PLK5: variants seen among roughly 807,000 people sequenced by gnomAD.
The protein encoded by PLK5 is inactive serine/threonine-protein kinase PLK5.
PLK5 carries 28 observed loss-of-function variants against 33.7 expected under a neutral mutation model. The observed-to-expected ratio is 0.83, with a 90% CI of 0.62 to 1.14. The LOEUF is 1.14. Ranked by LOEUF, PLK5 falls within the 50% of genes most tolerant of loss-of-function variation. The probability of loss-of-function intolerance (pLI) is 0.00; values close to 1 mark genes in which losing one functional copy is unlikely to be tolerated. For missense variants in PLK5, 492 were observed against 461.5 expected (o/e 1.07, Z -0.61); for synonymous variants, 225 against 202.2 (o/e 1.11, Z -0.96).
rs558967313 is a variant in PLK5 at position 1,533,945 on chromosome 19, C to T, written c.729C>T (p.Pro243=). The T allele has an allele frequency of 6.5e-7, 1 of 1,534,306 alleles. No homozygotes were observed. The highest frequency in any genetic ancestry group is 1.4e-5 in the African/African-American group (1 of 73,094). ...PATPRREGTL[P]TPVPPAGPGL... ...TCTGTCCACAGGAGGGGACCCTCCCCACACCTGTGCCACCTGCTGGACCCG... is the reference window on the plus strand; with the variant it reads ...TCTGTCCACAGGAGGGGACCCTCCCTACACCTGTGCCACCTGCTGGACCCG... Residue 243 remains proline, a synonymous_variant, in exon 13 of 14, where the codon CCC becomes CCT. Coordinates refer to ENST00000454744, the MANE Select transcript of PLK5 (RefSeq NM_001243079.2).
Position 1,535,530 on chromosome 19 carries a change from G to T in PLK5, c.*280G>T. The T allele has an allele frequency of 2.2e-6, 1 of 445,212 alleles. No individual in the cohort carries two copies. Among genetic ancestry groups the T allele is most frequent in the Non-Finnish European group, 3.9e-6 (1 of 254,108 alleles). The allele number at this position is 445,212 out of a possible 1,614,324, so 27.6% of individuals were successfully genotyped here. On this transcript the variant is annotated 3_prime_UTR_variant, in exon 14 of 14. Coordinates refer to ENST00000454744, the MANE Select transcript of PLK5 (RefSeq NM_001243079.2). ...CAAAGAAACGTTGACCCCACGTGAC[G>T]TTGCATCCTCCCTGTTTCTCTTAGT...
In PLK5 at chr19:1,528,120, G is replaced by C. The variant is rs764520890; in HGVS notation, c.187G>C (p.Asp63His). The C allele has an allele frequency of 3.3e-6, 5 of 1,535,472 alleles. No homozygotes were observed. In the African/African-American group the frequency reaches 6.8e-5, roughly 21 times the overall value. ...CAGCCTGGACCACCTGCTGCAGGAC[G>C]ACTTCTTCACACAGGTGGGCGGCGG... ...RPSLDHLLQD[D>H]FFTQGFTPDR... is the part of the protein sequence containing the mutation. Residue 63 changes from aspartate to histidine, a missense_variant, in exon 7 of 14, where the codon GAC (aspartate) becomes CAC (histidine). Asp to His is a moderately conservative substitution (Grantham distance 81). Transcript: ENST00000454744.
chr19:1,527,900 C>T (rs1042838364), intron 6 of PLK5, 36 bp from the exon 7 acceptor site: 10 of 1,519,806 alleles, frequency 6.6e-6, no homozygotes, highest in Middle Eastern at 1.7e-4. Flanking sequence ...TGAGCGATGC[C>T]TGGACACCCA....
At chr19:1,534,095 C>A in intron 13 of PLK5, 54 bp downstream of exon 13, 1 of 1,387,124 alleles carries the variant, frequency 7.2e-7, no homozygotes, top group Non-Finnish European at 9.9e-7. Context: ...TGGGGTCTGG[C>A]CTGCCTGGGC....
chr19:1,530,363 C>T (rs1027460572), intron 11 of PLK5, among the ~76,000 whole-genome samples: 9 of 152,066 alleles, frequency 5.9e-5, no homozygotes, highest in African/African-American at 2.2e-4. Flanking sequence ...ATGGTGCCAT[C>T]TTGGCTCATC....
At chr19:1,534,686 G>A (rs265284) in intron 13 of PLK5, among the ~76,000 whole-genome samples, 14 of 148,584 alleles carry the variant, frequency 9.4e-5, no homozygotes, top group East Asian at 3.9e-4. Context: ...GCGTGGTGGC[G>A]GGCGCCTGTA....
At chr19:1,534,977 A>G (rs1252623031) in intron 13 of PLK5, 88 bp from the exon 14 acceptor site, 2 of 1,242,934 alleles carry the variant, frequency 1.6e-6, no homozygotes, top group African/African-American at 1.5e-5. Context: ...CTCTGGGTCC[A>G]GTGTCCACTT....
intron 11 of PLK5, 86 bp from the exon 12 acceptor site, chr19:1,531,652 A>G (rs917888755): frequency 6.9e-7 from 1 of 1,459,534 alleles, no homozygotes; most frequent in African/African-American, 1.4e-5. Context: ...GGTCTCACCC[A>G]TGGTTTCAGT....
intron 11 of PLK5, 140 bp downstream of exon 11, chr19:1,529,964 C>A: frequency 1.1e-6 from 1 of 870,370 alleles, no homozygotes; most frequent in Non-Finnish European, 1.7e-6. Context: ...ACGGTGACAT[C>A]AGGAGAGTGG....
At chr19:1,529,365 T>A in intron 9 of PLK5, 41 bp from the exon 10 acceptor site, 1 of 1,498,538 alleles carries the variant, frequency 6.7e-7, no homozygotes, top group East Asian at 2.5e-5. Flanking sequence ...TCCCTGGGGC[T>A]GGGGCCGGGG....
intron 12 of PLK5, among the ~76,000 whole-genome samples, chr19:1,533,045 G>T (rs114774467): frequency 7.0e-4 from 107 of 152,048 alleles, no homozygotes; most frequent in African/African-American, 2.6e-3. Context: ...TGAGGTGGGA[G>T]GATCACTTGG....
chr19:1,528,119 C>T lies in PLK5; in HGVS notation c.186C>T (p.Asp62=), dbSNP rs1283208247. Residue 62 remains aspartate (D), a synonymous_variant, in exon 7 of 14, where the codon GAC becomes GAT. Coordinates refer to ENST00000454744, the MANE Select transcript of PLK5 (RefSeq NM_001243079.2). The part of the protein sequence containing the change: ...ERPSLDHLLQ[D]DFFTQGFTPD... The stretch of plus-strand genomic sequence containing the variant: ...CCAGCCTGGACCACCTGCTGCAGGA[C>T]GACTTCTTCACACAGGTGGGCGGCG... 9 of 1,535,548 alleles carry T rather than the reference C, an allele frequency of 5.9e-6. No homozygotes were observed. The highest frequency in any genetic ancestry group is 2.4e-5 in the South Asian group (2 of 84,026).
intron 12 of PLK5, among the ~76,000 whole-genome samples, chr19:1,533,465 C>T (rs1034048583): frequency 4.6e-5 from 7 of 152,054 alleles, no homozygotes; most frequent in African/African-American, 1.4e-4. Context: ...TGGGCAGTGG[C>T]GGAGGCCTGG....
intron 13 of PLK5, among the ~76,000 whole-genome samples, 161 bp from the exon 14 acceptor site, chr19:1,534,904 G>A (rs1197826401): frequency 6.6e-6 from 1 of 152,148 alleles, no homozygotes; most frequent in Non-Finnish European, 1.5e-5. Context: ...GTACAGTGGA[G>A]CACTTGGCCT....
chr19:1,526,010 T>G (rs779059871), intron 3 of PLK5, among the ~76,000 whole-genome samples: 5 of 152,048 alleles, frequency 3.3e-5, no homozygotes, highest in Non-Finnish European at 1.5e-5. Context: ...CTTGGCCCCC[T>G]TGGACTCACC....
At chr19:1,528,580 A>C (rs1599304367) in intron 8 of PLK5, among the ~76,000 whole-genome samples, 152 bp downstream of exon 8, 1 of 15,232 alleles carries the variant, frequency 6.6e-5, no homozygotes, top group African/African-American at 2.9e-4. Flanking sequence ...CACGCCTCCC[A>C]CCTGCCCACG....
At chr19:1,527,104 C>G (rs1477220945) in intron 6 of PLK5, 106 bp downstream of exon 6, 2 of 1,219,036 alleles carry the variant, frequency 1.6e-6, no homozygotes, top group Non-Finnish European at 2.2e-6. Flanking sequence ...GGGTGGGGCG[C>G]GTGGAACAGG....
At position 1,535,217 on chromosome 19, in the gene PLK5, TCAC is replaced by T. The variant is rs1914062946; in HGVS notation, c.982_984del (p.His328del). 4 of 1,535,642 alleles carry T rather than the reference TCAC, an allele frequency of 2.6e-6. No individual in the cohort carries two copies. The East Asian group carries it at 7.3e-5, about 28-fold the overall frequency. ...GCGCCCCCACCACCGGACAGCACCT[TCAC>T]CACGCCCTCCGCATGCTGCAGAGTA... is the stretch of plus-strand genomic sequence containing the variant. On this transcript the variant is annotated inframe_deletion, in exon 14 of 14. Transcript: ENST00000454744.
At chr19:1,527,656 G>C (rs1423785025) in intron 6 of PLK5, among the ~76,000 whole-genome samples, 1 of 151,592 alleles carries the variant, frequency 6.6e-6, no homozygotes, top group Non-Finnish European at 1.5e-5. Flanking sequence ...TTCAGGGTGA[G>C]CCAGGTGCAG....
Sources: gnomAD v4.1 joint callset for allele counts (sites outside exome capture counted in the v4.1 genomes callset) on GRCh38, gnomAD v4.1.1 for gene constraint, MANE v1.5 for transcripts, NCBI Gene and HGNC (gene_info 2026-07-23, HGNC 2026-07-21) for gene names.